The following CA2 variants were observed in gnomAD, a reference collection of about 807,000 sequenced individuals.
CA2 encodes the protein carbonic anhydrase 2.
Under a neutral mutation model 27.8 loss-of-function variants are expected in CA2, and 23 were observed. The observed-to-expected ratio is 0.83, with a 90% CI of 0.59 to 1.17. The LOEUF (loss-of-function observed/expected upper bound fraction) is 1.17, where lower values mean the gene tolerates loss of function less well. Ranked by LOEUF, CA2 falls within the 50% of genes most tolerant of loss-of-function variation. The probability of loss-of-function intolerance (pLI) is 0.00; values close to 1 mark genes in which losing one functional copy is unlikely to be tolerated. For synonymous variants in CA2, 99 were observed against 114.9 expected (o/e 0.86, Z 0.88); for missense variants, 300 against 314.7 (o/e 0.95, Z 0.35).
Position 85,480,688 on chromosome 8 carries a change from CTT to C in CA2, c.683_684del (p.Leu228GlnfsTer7). The C allele has an allele frequency of 6.2e-7, 1 of 1,613,576 alleles. No homozygotes were observed. The highest frequency in any genetic ancestry group is 8.5e-7 in the Non-Finnish European group (1 of 1,179,600). On this transcript the variant is annotated frameshift_variant, in exon 7 of 7. Transcript: ENST00000285379. LOFTEE classifies it low-confidence loss of function (END_TRUNC). ...CTTTTAGGTGTTGAAATTCCGTAAA[CTT>C]AACTTCAATGGGGAGGGTGAACCCG... The part of the protein sequence containing the change: ...SSEQVLKFRK[L>X]NFNGEGEPEE...
At chr8:85,468,124 G>C (rs747737725) in intron 2 of CA2, among the ~76,000 whole-genome samples, 1 of 152,228 alleles carries the variant, frequency 6.6e-6, no homozygotes. Flanking sequence ...ACGTGAAGGA[G>C]GCTTGGCAGT....
At chr8:85,480,519 A>G in intron 6 of CA2, 151 bp from the exon 7 acceptor site, 1 of 692,028 alleles carries the variant, frequency 1.4e-6, no homozygotes, top group South Asian at 1.6e-5. Context: ...CAAGTGATCC[A>G]CCCGCCTCAT....
rs192387500 is a variant in CA2 at position 85,465,249 on chromosome 8, T to C, written c.35-23T>C. ...GTGTACCTTTCCCCACAATGGGGGA[T>C]TCACATGTCTTCTTTCCCCCAGGAC... On this transcript the variant is annotated intron_variant, in intron 1 of 6. Coordinates refer to ENST00000285379, the MANE Select transcript of CA2 (RefSeq NM_000067.3). 3.1e-6 allele frequency: 5 copies of C among 1,594,684 alleles called. No individual in the cohort carries two copies. In the East Asian group the frequency reaches 1.1e-4, roughly 36 times the overall value.
chr8:85,469,428 G>A (rs1466720678), intron 2 of CA2, among the ~76,000 whole-genome samples: 9 of 152,044 alleles, frequency 5.9e-5, no homozygotes, highest in Admixed American at 3.9e-4. Context: ...TTTAAACTAC[G>A]GAGTTAATAG....
rs182566867 is a variant in CA2 at position 85,475,536 on chromosome 8, A to G, written c.445-262A>G. ...AAGCCCTTGAGGAGTATCCTTTGGC[A>G]GTTAGAGGTCACTGGGGACAATTGA... On this transcript the variant is annotated intron_variant, in intron 4 of 6. Transcript: ENST00000285379. 5.3e-5 allele frequency among the ~76,000 whole-genome samples: 8 copies of G among 152,296 alleles called. No individual in the cohort carries two copies. The East Asian group carries it at 1.5e-3, about 29-fold the overall frequency.
chr8:85,477,259 G>A lies in CA2; in HGVS notation c.647G>A (p.Ser216Asn). 6.2e-7 allele frequency: 1 copy of A among 1,614,062 alleles called. No individual in the cohort carries two copies. Residue 216 changes from serine to asparagine, a missense_variant, in exon 6 of 7, where the codon AGC becomes AAC. By Grantham distance (46) the Ser-to-Asn change is conservative (BLOSUM62 1). Around this residue, in one of 3 missense-constraint regions of CA2, gnomAD observed 173 missense variants for 161.0 expected, o/e 1.07. Transcript: ENST00000285379. ...TGGATTGTGCTCAAGGAACCCATCA[G>A]CGTCAGCAGCGAGCAGGTTTGTTTT... The part of the protein sequence containing the change: ...VTWIVLKEPI[S>N]VSSEQVLKFR...
chr8:85,467,077 A>G (rs760290705), intron 2 of CA2, among the ~76,000 whole-genome samples: 1 of 152,206 alleles, frequency 6.6e-6, no homozygotes, highest in South Asian at 2.1e-4. Flanking sequence ...TATGTATCTC[A>G]TTGGATGCTA....
chr8:85,468,745 C>T (rs1166465252), intron 2 of CA2, among the ~76,000 whole-genome samples: 4 of 151,638 alleles, frequency 2.6e-5, no homozygotes, highest in East Asian at 3.9e-4. Flanking sequence ...GGTGACAGAA[C>T]GAGACTCCAT....
chr8:85,476,748 A>G (rs1811805472), intron 5 of CA2, among the ~76,000 whole-genome samples: 2 of 152,152 alleles, frequency 1.3e-5, no homozygotes, highest in Non-Finnish European at 2.9e-5. Flanking sequence ...TCATCAGGAT[A>G]CCATATTTCT....
At chr8:85,466,300 A>C (rs1207757084) in intron 2 of CA2, among the ~76,000 whole-genome samples, 1 of 151,964 alleles carries the variant, frequency 6.6e-6, no homozygotes, top group African/African-American at 2.4e-5. Context: ...TTTCCTCTGA[A>C]GGTCATAGAA....
At chr8:85,464,901 A>G in intron 1 of CA2, 1 of 252,178 alleles carries the variant, frequency 4.0e-6, no homozygotes, top group Non-Finnish European at 7.8e-6. Context: ...GAATGTCTTA[A>G]GTGAGCTTGC....
intron 2 of CA2, among the ~76,000 whole-genome samples, chr8:85,466,212 C>T (rs1046918748): frequency 1.7e-4 from 25 of 145,574 alleles, no homozygotes; most frequent in African/African-American, 5.9e-4. Context: ...AACAAGAGAA[C>T]AATCCCATTC....
In CA2 at chr8:85,475,371, T is replaced by TAAAAAAA. The variant is rs3070396; in HGVS notation, c.445-408_445-402dup. On this transcript the variant is annotated intron_variant, in intron 4 of 6. Coordinates refer to ENST00000285379, the MANE Select transcript of CA2 (RefSeq NM_000067.3). Reference sequence around the variant, plus strand: ...GGATGACAGAGCAAGACTCTGACTCTAAAAAAAAAAAAAAAAAAAAAAAAA... The same window carrying TAAAAAAA: ...GGATGACAGAGCAAGACTCTGACTCTAAAAAAAAAAAAAAAAAAAAAAAAAAAAAAAA... Among the ~76,000 whole-genome samples the TAAAAAAA allele has an allele frequency of 1.5e-4, 6 of 41,356 alleles. 1 individual carries two copies. The highest frequency in any genetic ancestry group is 2.2e-3 in the South Asian group (1 of 446). The allele number at this position is 41,356 out of a possible 152,430, so 27.1% of individuals were successfully genotyped here.
At chr8:85,464,349 C>G (rs1811586611) in intron 1 of CA2, 1 of 445,964 alleles carries the variant, frequency 2.2e-6, no homozygotes, top group Middle Eastern at 5.7e-4. Context: ...GGAATCCCCG[C>G]GTCCGCCGGA....
chr8:85,480,651 G>A lies in CA2; in HGVS notation c.664-19G>A, dbSNP rs367813194. 21 of 1,607,624 alleles carry A rather than the reference G, an allele frequency of 1.3e-5. No individual in the cohort carries two copies. Among genetic ancestry groups the A allele is most frequent in the Admixed American group, 5.0e-5 (3 of 59,918 alleles). On this transcript the variant is annotated intron_variant, in intron 6 of 6. Transcript: ENST00000285379. ...CCATTGTGAAACATTAATTATCAAT[G>A]TTTTATTGTGTCTTTTAGGTGTTGA... is the stretch of plus-strand genomic sequence containing the variant.
intron 2 of CA2, among the ~76,000 whole-genome samples, chr8:85,466,675 T>TACACAC (rs201796713): frequency 1.4e-5 from 1 of 69,760 alleles, no homozygotes; most frequent in South Asian, 4.1e-4. Flanking sequence ...CATACATACA[T>TACACAC]ACATACACAC....
intron 4 of CA2, among the ~76,000 whole-genome samples, chr8:85,474,875 T>C (rs2130560121): frequency 6.6e-6 from 1 of 152,250 alleles, no homozygotes; most frequent in Admixed American, 6.5e-5. Context: ...CTCTGATTCA[T>C]ATGTTGAGGT....
intron 6 of CA2, among the ~76,000 whole-genome samples, chr8:85,477,965 T>A (rs1811830461): frequency 6.6e-6 from 1 of 152,222 alleles, no homozygotes. Flanking sequence ...CCTGAATAAT[T>A]TAAGGATAGC....
intron 4 of CA2, among the ~76,000 whole-genome samples, chr8:85,475,231 G>A (rs1341744547): frequency 1.3e-5 from 2 of 151,812 alleles, no homozygotes; most frequent in African/African-American, 4.8e-5. Context: ...AATTAGCTGG[G>A]CATGGTGGTA....
Sources: allele counts gnomAD v4.1 joint callset (sites outside exome capture counted in the v4.1 genomes callset), GRCh38; gene constraint gnomAD v4.1.1; regional missense constraint gnomAD v4.1.1; transcripts MANE v1.5; gene names NCBI Gene and HGNC (gene_info 2026-07-23, HGNC 2026-07-21).